Variants in SORCS3 observed in about 807,000 individuals in gnomAD.
SORCS3 encodes the protein VPS10 domain-containing receptor SorCS3.
Under a neutral mutation model 146.3 loss-of-function variants are expected in SORCS3, and 57 were observed. That is an observed-to-expected ratio of 0.39 (90% CI 0.31 to 0.49). The LOEUF (loss-of-function observed/expected upper bound fraction) is 0.49. Among genes scored for constraint, SORCS3 ranks in the 20% least tolerant of loss-of-function variants. SORCS3 has a pLI of 0.92. For synonymous variants in SORCS3, 653 were observed against 618.5 expected (o/e 1.06, Z -0.83); for missense variants, 1,341 against 1,575.5 (o/e 0.85, Z 2.52).
intron 22 of SORCS3, among the ~76,000 whole-genome samples, chr10:105,252,047 A>G (rs1317234017): frequency 6.6e-6 from 1 of 152,060 alleles, no homozygotes; most frequent in East Asian, 1.9e-4. Context: ...GTATTTGCTT[A>G]TTTTTTTGAA....
intron 13 of SORCS3, among the ~76,000 whole-genome samples, chr10:105,173,857 A>G (rs983305877): frequency 6.6e-6 from 1 of 152,186 alleles, no homozygotes; most frequent in African/African-American, 2.4e-5. Flanking sequence ...GAATCTTTAC[A>G]TGGATACTTC....
intron 20 of SORCS3, among the ~76,000 whole-genome samples, chr10:105,242,768 T>TTTTATATA (rs559987368): frequency 9.6e-6 from 1 of 104,012 alleles, no homozygotes; most frequent in Admixed American, 1.5e-4. Flanking sequence ...ATTTTATATA[T>TTTTATATA]TTTATATATT....
At chr10:104,953,271 T>C (rs887193048) in intron 3 of SORCS3, among the ~76,000 whole-genome samples, 4 of 152,230 alleles carry the variant, frequency 2.6e-5, no homozygotes, top group Non-Finnish European at 5.9e-5. Context: ...TTTTGTATAC[T>C]GTGAGTCTTC....
intron 22 of SORCS3, among the ~76,000 whole-genome samples, chr10:105,250,315 C>T (rs1278240605): frequency 6.6e-6 from 1 of 152,092 alleles, no homozygotes; most frequent in Non-Finnish European, 1.5e-5. Flanking sequence ...TAGCATATGT[C>T]TTTGGTTGCA....
At chr10:105,083,056 T>A (rs1327624798) in intron 5 of SORCS3, among the ~76,000 whole-genome samples, 1 of 152,174 alleles carries the variant, frequency 6.6e-6, no homozygotes, top group Non-Finnish European at 1.5e-5. Context: ...TTTTTAAATG[T>A]TCATAGGATT....
intron 16 of SORCS3, among the ~76,000 whole-genome samples, chr10:105,206,135 T>C (rs1295832669): frequency 6.6e-6 from 1 of 152,148 alleles, no homozygotes; most frequent in Non-Finnish European, 1.5e-5. Flanking sequence ...GTTTCCGCAG[T>C]GGACAAGTCA....
At chr10:104,880,448 G>T (rs2018619388) in intron 2 of SORCS3, among the ~76,000 whole-genome samples, 1 of 152,098 alleles carries the variant, frequency 6.6e-6, no homozygotes. Context: ...TGGTATTGAT[G>T]CTCAGGCATG....
At chr10:104,870,677 G>C (rs943228515) in intron 2 of SORCS3, among the ~76,000 whole-genome samples, 1 of 152,048 alleles carries the variant, frequency 6.6e-6, no homozygotes, top group Admixed American at 6.5e-5. Context: ...AAGGAGAAAT[G>C]GCTCACTTGG....
chr10:105,069,348 CT>C (rs2055543082), intron 5 of SORCS3, among the ~76,000 whole-genome samples: 1 of 152,212 alleles, frequency 6.6e-6, no homozygotes, highest in South Asian at 2.1e-4. Context: ...TCTCTAACAC[CT>C]TTTCACTGTG....
intron 1 of SORCS3, among the ~76,000 whole-genome samples, chr10:104,697,350 A>C (rs558979164): frequency 6.6e-6 from 1 of 152,178 alleles, no homozygotes; most frequent in Non-Finnish European, 1.5e-5. Context: ...GGCTATGTGC[A>C]TGCAGCTTGC....
intron 21 of SORCS3, among the ~76,000 whole-genome samples, chr10:105,246,706 A>G (rs941583494): frequency 1.3e-5 from 2 of 152,238 alleles, no homozygotes; most frequent in African/African-American, 4.8e-5. Context: ...GCAGGGCACA[A>G]GTGTTTAGTT....
intron 2 of SORCS3, among the ~76,000 whole-genome samples, chr10:104,877,031 T>G (rs1207848499): frequency 6.6e-6 from 1 of 152,012 alleles, no homozygotes; most frequent in Non-Finnish European, 1.5e-5. Context: ...TTTCCTTTTT[T>G]TTGGAGACAA....
chr10:105,019,636 T>TTCATCTAATC (rs1219483112), intron 4 of SORCS3, among the ~76,000 whole-genome samples: 1 of 152,228 alleles, frequency 6.6e-6, no homozygotes, highest in East Asian at 1.9e-4. Flanking sequence ...TAATCAATGT[T>TTCATCTAATC]AAGCGTGGCT....
chr10:104,808,660 TAAG>T (rs1159025823), intron 1 of SORCS3, among the ~76,000 whole-genome samples: 3 of 152,194 alleles, frequency 2.0e-5, no homozygotes, highest in Non-Finnish European at 4.4e-5. Flanking sequence ...CATCAGTAGA[TAAG>T]GAGACTGGAG....
chr10:104,737,337 C>T (rs981144380), intron 1 of SORCS3, among the ~76,000 whole-genome samples: 16 of 151,848 alleles, frequency 1.1e-4, no homozygotes, highest in African/African-American at 3.9e-4. Flanking sequence ...AGTTCTAGAT[C>T]CCTGAGGAAT....
chr10:105,196,503 G>A (rs1232017341), intron 14 of SORCS3, among the ~76,000 whole-genome samples: 5 of 152,196 alleles, frequency 3.3e-5, no homozygotes, highest in Non-Finnish European at 7.3e-5. Context: ...TACTGGGTAG[G>A]CTGAGGCAGG....
chr10:105,233,958 T>C (rs556234710), intron 20 of SORCS3, among the ~76,000 whole-genome samples: 1 of 152,208 alleles, frequency 6.6e-6, no homozygotes, highest in South Asian at 2.1e-4. Context: ...AAATTTTGCC[T>C]TCATTTATTC....
At chr10:104,720,771 CTTCTT>C (rs2016538117) in intron 1 of SORCS3, among the ~76,000 whole-genome samples, 1 of 152,204 alleles carries the variant, frequency 6.6e-6, no homozygotes, top group Non-Finnish European at 1.5e-5. Flanking sequence ...GCATAAATGT[CTTCTT>C]TTGAGAAGTG....
intron 1 of SORCS3, among the ~76,000 whole-genome samples, chr10:104,736,425 A>G (rs72813691): frequency 6.6e-6 from 1 of 152,194 alleles, no homozygotes; most frequent in African/African-American, 2.4e-5. Context: ...AACACATTCC[A>G]CATGGTACAC....
Sources: allele counts gnomAD v4.1 joint callset (sites outside exome capture counted in the v4.1 genomes callset), GRCh38; gene constraint gnomAD v4.1.1; transcripts MANE v1.5; gene names NCBI Gene and HGNC (gene_info 2026-07-23, HGNC 2026-07-21).